The following CAPN5 variants were observed in gnomAD, a reference collection of about 807,000 sequenced individuals.
CAPN5 encodes the protein calpain 5, also known as calpain-5.
In CAPN5, 54 loss-of-function variants were observed where a neutral mutation model predicts 73.0. The ratio of observed to expected loss-of-function variants is 0.74; its 90% CI spans 0.59 to 0.93. The LOEUF is 0.93. Among genes scored for constraint, CAPN5 ranks in the 40% least tolerant of loss-of-function variants. CAPN5 has a pLI of 0.00. For missense variants in CAPN5, 785 were observed against 882.9 expected (o/e 0.89, Z 1.41); for synonymous variants, 335 against 356.9 (o/e 0.94, Z 0.69).
intron 1 of CAPN5, among the ~76,000 whole-genome samples, chr11:77,077,380 C>A (rs545599466): frequency 6.6e-6 from 1 of 151,646 alleles, no homozygotes; most frequent in Non-Finnish European, 1.5e-5. Flanking sequence ...TTAAAAAAGT[C>A]TTTTTTTATA....
At chr11:77,122,995 T>A (rs1555043185) in intron 12 of CAPN5, among the ~76,000 whole-genome samples, 1 of 152,260 alleles carries the variant, frequency 6.6e-6, no homozygotes, top group Non-Finnish European at 1.5e-5. Flanking sequence ...CACCCTCAGC[T>A]TTGGGAACTA....
Position 77,069,422 on chromosome 11 carries a change from C to T in CAPN5, c.-36+2328C>T, listed in dbSNP as rs201535168. On this transcript the variant is annotated intron_variant, in intron 1 of 12. Coordinates refer to ENST00000648180, the MANE Select transcript of CAPN5 (RefSeq NM_004055.5). ...AGGAAACAGTCCTCTCCTATTGAAA[C>T]GGAAGCCTCTCTTGGCTTTAGTGGG... Among the ~76,000 whole-genome samples, 5 of 152,272 alleles carry T rather than the reference C, an allele frequency of 3.3e-5. No homozygotes were observed. In the East Asian group the frequency reaches 5.8e-4, roughly 18 times the overall value.
At chr11:77,112,296 G>A (rs1201393071) in intron 3 of CAPN5, among the ~76,000 whole-genome samples, 4 of 152,218 alleles carry the variant, frequency 2.6e-5, no homozygotes, top group South Asian at 2.1e-4. Flanking sequence ...AGATGTGGAC[G>A]GAAGTCTCGG....
intron 2 of CAPN5, chr11:77,088,105 C>A: frequency 6.7e-7 from 1 of 1,502,860 alleles, no homozygotes; most frequent in Non-Finnish European, 8.8e-7. Flanking sequence ...ATCCCCTCAT[C>A]CAGCATGCTG....
In CAPN5 at chr11:77,123,754, A is replaced by AT; in HGVS notation, c.1807_1808insT (p.Asn603IlefsTer15). 1 of 1,613,892 alleles carries AT rather than the reference A, an allele frequency of 6.2e-7. No individual in the cohort carries two copies. The highest frequency in any genetic ancestry group is 8.5e-7 in the Non-Finnish European group (1 of 1,179,958). ...GGTGCACCTAAAGGCTGACCCGGAC[A>AT]ACCTCCAGGCCCTGCATACCCTCCA... On this transcript the variant is annotated frameshift_variant, in exon 13 of 13. Coordinates refer to ENST00000648180, the MANE Select transcript of CAPN5 (RefSeq NM_004055.5). LOFTEE classifies it high-confidence loss of function.
At position 77,100,307 on chromosome 11, in the gene CAPN5, C is replaced by T. The variant is rs1050985822; in HGVS notation, c.297+6494C>T. Among the ~76,000 whole-genome samples the T allele has an allele frequency of 7.9e-5, 12 of 152,258 alleles. 1 individual carries two copies. In the South Asian group the frequency reaches 2.5e-3, roughly 32 times the overall value. ...GGGCCCTGTCCCCAGCTGCAGCCTCCTGCATCCTGCCTGCTCCCTTGCCCA... is the reference window on the plus strand; with the variant it reads ...GGGCCCTGTCCCCAGCTGCAGCCTCTTGCATCCTGCCTGCTCCCTTGCCCA... On this transcript the variant is annotated intron_variant, in intron 3 of 12. Transcript: ENST00000648180.
chr11:77,099,521 G>A (rs1239581865), intron 3 of CAPN5, among the ~76,000 whole-genome samples: 1 of 151,232 alleles, frequency 6.6e-6, no homozygotes, highest in Non-Finnish European at 1.5e-5. Flanking sequence ...CGCGGTTAGG[G>A]GCTGGAGACC....
chr11:77,121,473 C>T (rs1301797608), intron 10 of CAPN5, among the ~76,000 whole-genome samples: 3 of 152,276 alleles, frequency 2.0e-5, no homozygotes, highest in Admixed American at 1.3e-4. Context: ...GCTCTGCCCA[C>T]GTGCCAGAGC....
intron 4 of CAPN5, 66 bp from the exon 5 acceptor site, chr11:77,114,176 A>G (rs537330941): frequency 1.5e-4 from 218 of 1,486,566 alleles, no homozygotes; most frequent in Middle Eastern, 1.9e-4. Flanking sequence ...AACCTCCCCT[A>G]TGAGGTAAAG....
intron 6 of CAPN5, 115 bp from the exon 7 acceptor site, chr11:77,116,111 C>A: frequency 1.1e-6 from 1 of 918,518 alleles, no homozygotes; most frequent in South Asian, 1.5e-5. Flanking sequence ...CACACCGTGC[C>A]GCTGGAGGCC....
intron 2 of CAPN5, among the ~76,000 whole-genome samples, chr11:77,089,545 C>A (rs947968249): frequency 3.9e-5 from 6 of 152,186 alleles, no homozygotes; most frequent in Admixed American, 1.3e-4. Context: ...AGGTGAGGGC[C>A]TGGGCTTCCC....
intron 9 of CAPN5, 153 bp from the exon 10 acceptor site, chr11:77,120,560 G>A (rs191387931): frequency 2.4e-4 from 133 of 559,756 alleles, no homozygotes; most frequent in African/African-American, 9.0e-4. Context: ...GGGCAAACAC[G>A]AATCCGCTTC....
chr11:77,081,036 C>T lies in CAPN5; in HGVS notation c.-35-3816C>T, dbSNP rs570811343. Among the ~76,000 whole-genome samples, 8 of 152,298 alleles carry T rather than the reference C, an allele frequency of 5.3e-5. No individual in the cohort carries two copies. The South Asian group carries it at 1.7e-3, about 32-fold the overall frequency. ...GTCTGACTCACCGCTGCCCTGGCCA[C>T]AGGAGGAGGAGGGCTGATACCAGTG... On this transcript the variant is annotated intron_variant, in intron 1 of 12. Transcript: ENST00000648180.
In CAPN5 at chr11:77,085,047, C is replaced by T. The variant is rs1183500725; in HGVS notation, c.161C>T (p.Pro54Leu). ...TPGPAVRWKR[P>L]KGICEDPRLF... is the part of the protein sequence containing the mutation. ...GGGCCCGCCGTCAGGTGGAAGCGAC[C>T]CAAGGTCAGTGTCTGGTCCCAGCTG... is the stretch of plus-strand genomic sequence containing the variant. The change falls in exon 2 of 13, where the codon CCC becomes CTC. Residue 54 changes from proline to leucine, a missense_variant. Pro to Leu is a moderately conservative substitution (Grantham distance 98, BLOSUM62 -3). Coordinates refer to ENST00000648180, the MANE Select transcript of CAPN5 (RefSeq NM_004055.5). The T allele has an allele frequency of 6.2e-7, 1 of 1,612,944 alleles. No homozygotes were observed. The highest frequency in any genetic ancestry group is 8.5e-7 in the Non-Finnish European group (1 of 1,179,998).
rs923756093 is a variant in CAPN5, at chr11:77,071,344, G to T, written c.-36+4250G>T. Among the ~76,000 whole-genome samples, 3 of 152,224 alleles carry T rather than the reference G, an allele frequency of 2.0e-5. No individual in the cohort carries two copies. The South Asian group carries it at 6.2e-4, about 32-fold the overall frequency. On this transcript the variant is annotated intron_variant, in intron 1 of 12. Coordinates refer to ENST00000648180, the MANE Select transcript of CAPN5 (RefSeq NM_004055.5). ...GCATCCCTGGCACAGCCGCATGGGT[G>T]GTCCCCAATGTCTGGACCCTGCCTG...
intron 1 of CAPN5, among the ~76,000 whole-genome samples, chr11:77,084,445 GGGGA>G (rs1950060107): frequency 6.6e-6 from 1 of 152,184 alleles, no homozygotes. Flanking sequence ...CTCTAGAGGT[GGGGA>G]GGGAAACCCA....
At chr11:77,073,342 A>T (rs190977927) in intron 1 of CAPN5, among the ~76,000 whole-genome samples, 2 of 152,162 alleles carry the variant, frequency 1.3e-5, no homozygotes, top group East Asian at 3.9e-4. Flanking sequence ...GACCTGGAAC[A>T]CCCTTTCAGA....
chr11:77,093,189 T>A (rs1334660645), intron 2 of CAPN5, among the ~76,000 whole-genome samples: 3 of 152,190 alleles, frequency 2.0e-5, no homozygotes, highest in African/African-American at 7.2e-5. Flanking sequence ...CGCTCCCCAC[T>A]GGCCCCTCGC....
Position 77,120,897 on chromosome 11 carries a change from C to T in CAPN5, c.1475C>T (p.Pro492Leu), listed in dbSNP as rs112872387. ...CTGCTCCGAGTCTTCACTGATGTGC[C>T]CTCCAACTGCCGGTACTTGGGGGCT... is the stretch of plus-strand genomic sequence containing the variant. ...EFLLRVFTDV[P>L]SNCRELRLDE... Residue 492 changes from proline to leucine, a missense_variant, in exon 10 of 13, where the codon CCC becomes CTC. Transcript: ENST00000648180. The T allele has an allele frequency of 3.0e-5, 48 of 1,612,646 alleles. No homozygotes were observed. The highest frequency in any genetic ancestry group is 2.4e-4 in the African/African-American group (18 of 75,048).
Sources: allele counts gnomAD v4.1 joint callset (sites outside exome capture counted in the v4.1 genomes callset), GRCh38; gene constraint gnomAD v4.1.1; transcripts MANE v1.5; gene names NCBI Gene and HGNC (gene_info 2026-07-23, HGNC 2026-07-21).